Variants in GFRA1 observed in about 807,000 individuals in gnomAD.
GFRA1 encodes the protein GDNF family receptor alpha-1.
A neutral mutation model predicts 51.6 loss-of-function variants in GFRA1; 16 were observed. That is an observed-to-expected ratio of 0.31 (90% CI 0.21 to 0.47). The LOEUF is 0.47. Ranked by LOEUF, GFRA1 falls within the 20% of genes least tolerant of loss-of-function variation. GFRA1 has a pLI of 1.00. For synonymous variants in GFRA1, 270 were observed against 241.3 expected (o/e 1.12, Z -1.10); for missense variants, 530 against 594.3 (o/e 0.89, Z 1.13).
chr10:116,217,202 A>C (rs1027698839), intron 4 of GFRA1, among the ~76,000 whole-genome samples: 6 of 152,180 alleles, frequency 3.9e-5, no homozygotes, highest in African/African-American at 7.2e-5. Context: ...CTGTGGCACC[A>C]AAGGATTATG....
intron 6 of GFRA1, among the ~76,000 whole-genome samples, chr10:116,116,322 G>A (rs1428158746): frequency 6.6e-6 from 1 of 152,244 alleles, no homozygotes; most frequent in African/African-American, 2.4e-5. Flanking sequence ...CAGGGAGAAG[G>A]CAGGAAGGTG....
chr10:116,080,825 G>C (rs988220178), intron 9 of GFRA1, among the ~76,000 whole-genome samples: 3 of 152,184 alleles, frequency 2.0e-5, no homozygotes, highest in African/African-American at 7.2e-5. Context: ...GTGGGGAGGA[G>C]GGCTGAAGAC....
intron 4 of GFRA1, among the ~76,000 whole-genome samples, chr10:116,248,933 G>A (rs1968089577): frequency 6.6e-6 from 1 of 152,032 alleles, no homozygotes; most frequent in Admixed American, 6.5e-5. Flanking sequence ...AGGCATCCAG[G>A]CTGAGTCTGC....
intron 5 of GFRA1, among the ~76,000 whole-genome samples, chr10:116,137,962 T>C (rs1474168237): frequency 6.6e-6 from 1 of 152,036 alleles, no homozygotes; most frequent in Non-Finnish European, 1.5e-5. Context: ...ACACTACACC[T>C]GGCTAATTTT....
At chr10:116,073,296 T>G (rs1389140578) in intron 9 of GFRA1, among the ~76,000 whole-genome samples, 1 of 152,216 alleles carries the variant, frequency 6.6e-6, no homozygotes, top group Non-Finnish European at 1.5e-5. Context: ...GTGCCCTGGC[T>G]GGGCTTACTT....
At chr10:116,066,346 T>G (rs545466441) in intron 9 of GFRA1, among the ~76,000 whole-genome samples, 10 of 152,198 alleles carry the variant, frequency 6.6e-5, no homozygotes, top group Non-Finnish European at 1.3e-4. Flanking sequence ...ATGGGCATCC[T>G]CAAAGAATCA....
intron 9 of GFRA1, among the ~76,000 whole-genome samples, chr10:116,080,263 G>A (rs1168561312): frequency 2.0e-5 from 3 of 152,204 alleles, no homozygotes; most frequent in African/African-American, 7.2e-5. Flanking sequence ...TCATCTGCAC[G>A]TTAAAGATGA....
chr10:116,077,865 A>G (rs1451616820), intron 9 of GFRA1, among the ~76,000 whole-genome samples: 1 of 152,222 alleles, frequency 6.6e-6, no homozygotes, highest in Non-Finnish European at 1.5e-5. Context: ...CACAGAACTA[A>G]GAGTCAGCTT....
intron 9 of GFRA1, among the ~76,000 whole-genome samples, chr10:116,076,782 A>G (rs1005820616): frequency 6.6e-5 from 10 of 152,110 alleles, no homozygotes; most frequent in African/African-American, 2.4e-4. Context: ...TGTGCTCCCT[A>G]AGCTATGTGA....
chr10:116,107,640 C>A (rs577105972), intron 6 of GFRA1, among the ~76,000 whole-genome samples: 36 of 152,140 alleles, frequency 2.4e-4, no homozygotes, highest in African/African-American at 7.5e-4. Context: ...ACCTGTGGAC[C>A]CTCTACTGGT....
At chr10:116,201,272 G>A (rs549794786) in intron 5 of GFRA1, among the ~76,000 whole-genome samples, 5 of 152,152 alleles carry the variant, frequency 3.3e-5, no homozygotes, top group Admixed American at 2.6e-4. Flanking sequence ...ATATAAATGG[G>A]AAAACTCAAT....
intron 5 of GFRA1, among the ~76,000 whole-genome samples, chr10:116,182,800 G>C (rs574262366): frequency 3.3e-4 from 50 of 152,346 alleles, no homozygotes; most frequent in African/African-American, 1.2e-3. Context: ...AGCAGGAAGT[G>C]AGCAAAGCCC....
chr10:116,176,673 T>C (rs959083443), intron 5 of GFRA1, among the ~76,000 whole-genome samples: 11 of 152,180 alleles, frequency 7.2e-5, no homozygotes, highest in Non-Finnish European at 1.2e-4. Flanking sequence ...TATTTCTTTA[T>C]AGCAACACAA....
At chr10:116,212,716 G>A (rs1002273361) in intron 4 of GFRA1, among the ~76,000 whole-genome samples, 15 of 152,222 alleles carry the variant, frequency 9.9e-5, no homozygotes, top group Non-Finnish European at 1.8e-4. Flanking sequence ...TGTAGCACAC[G>A]GTAGCTCATT....
intron 5 of GFRA1, among the ~76,000 whole-genome samples, chr10:116,176,484 C>T (rs1417440945): frequency 2.6e-5 from 4 of 151,934 alleles, no homozygotes. Context: ...GAGTGTGTGG[C>T]ACCTCCCCCC....
At chr10:116,267,946 C>CACAA (rs895681552) in intron 4 of GFRA1, among the ~76,000 whole-genome samples, 24 of 87,780 alleles carry the variant, frequency 2.7e-4, no homozygotes, top group East Asian at 4.9e-4. Flanking sequence ...GACTAACACA[C>CACAA]ACACACACAC....
rs371668214 is a variant in GFRA1 at position 116,125,421 on chromosome 10, G to C, written c.570C>G (p.Arg190=). ...TSVSNDVCNR[R]KCHKALRQFF... is the part of the protein sequence containing the mutation. ...ACTGCCGGAGGGCCTTGTGGCACTTGCGGCGGTTGCAGACATCGTTGGACA... is the reference window on the plus strand; with the variant it reads ...ACTGCCGGAGGGCCTTGTGGCACTTCCGGCGGTTGCAGACATCGTTGGACA... Residue 190 remains arginine, a synonymous_variant, in exon 6 of 11, where the codon CGC becomes CGG. Transcript: ENST00000355422. 3.1e-6 allele frequency: 5 copies of C among 1,614,078 alleles called. No individual in the cohort carries two copies. The highest frequency in any genetic ancestry group is 4.2e-6 in the Non-Finnish European group (5 of 1,180,026).
chr10:116,195,274 A>G (rs917649268), intron 5 of GFRA1, among the ~76,000 whole-genome samples: 2 of 152,220 alleles, frequency 1.3e-5, no homozygotes, highest in East Asian at 3.9e-4. Flanking sequence ...TTTCACAGCC[A>G]GACTGAGACA....
intron 9 of GFRA1, among the ~76,000 whole-genome samples, chr10:116,072,032 C>T (rs894368651): frequency 2.6e-5 from 4 of 151,568 alleles, no homozygotes; most frequent in South Asian, 2.1e-4. Context: ...TAATTGCACT[C>T]GGTCCTTTAT....
Sources: allele counts gnomAD v4.1 joint callset (sites outside exome capture counted in the v4.1 genomes callset), GRCh38; gene constraint gnomAD v4.1.1; transcripts MANE v1.5; gene names NCBI Gene and HGNC (gene_info 2026-07-23, HGNC 2026-07-21).